The following VTI1A variants were observed in gnomAD, a reference collection of about 807,000 sequenced individuals.
The protein encoded by VTI1A is vesicle transport through interaction with t-SNAREs homolog 1A.
Under a neutral mutation model 34.9 loss-of-function variants are expected in VTI1A, and 22 were observed. The ratio of observed to expected loss-of-function variants is 0.63; its 90% confidence interval spans 0.45 to 0.90. VTI1A has a LOEUF of 0.90. Ranked by LOEUF, VTI1A falls within the 40% of genes least tolerant of loss-of-function variation. VTI1A has a pLI of 0.00. For synonymous variants in VTI1A, 87 were observed against 97.3 expected (o/e 0.89, Z 0.62); for missense variants, 268 against 275.6 (o/e 0.97, Z 0.20).
chr10:112,830,849 A>ATATATTTTTTTTTTTTT, the VTI1A span, among the ~76,000 whole-genome samples: 20 of 33,494 alleles, frequency 6.0e-4, no homozygotes, highest in East Asian at 1.5e-3. Context: ...ATATATATAT[A>ATATATTTTTTTTTTTTT]TTTTTTTTTT....
intron 7 of VTI1A, among the ~76,000 whole-genome samples, chr10:112,794,191 T>A (rs1171789981): frequency 6.6e-6 from 1 of 152,080 alleles, no homozygotes; most frequent in African/African-American, 2.4e-5. Context: ...ACCCCAAAAT[T>A]TGCAAAATTC....
At chr10:112,639,032 T>C (rs1846467650) in intron 5 of VTI1A, among the ~76,000 whole-genome samples, 1 of 152,122 alleles carries the variant, frequency 6.6e-6, no homozygotes, top group Non-Finnish European at 1.5e-5. Flanking sequence ...TTTATCAAAG[T>C]GGAAGCCTGT....
chr10:112,642,153 C>T (rs1054702040), intron 5 of VTI1A, among the ~76,000 whole-genome samples: 3 of 152,184 alleles, frequency 2.0e-5, no homozygotes, highest in East Asian at 3.9e-4. Context: ...ATGTAGACCG[C>T]ATCTGGTTCA....
chr10:112,768,294 T>C (rs1289622591), intron 7 of VTI1A, among the ~76,000 whole-genome samples: 2 of 152,178 alleles, frequency 1.3e-5, no homozygotes, highest in East Asian at 1.9e-4. Flanking sequence ...TAATTACTGC[T>C]CCACAAGGCG....
chr10:112,822,263 G>A (rs997351516), downstream of VTI1A, among the ~76,000 whole-genome samples: 3 of 152,152 alleles, frequency 2.0e-5, no homozygotes, highest in Admixed American at 2.0e-4. Context: ...CCAGGACCCC[G>A]TTCTTCTAAG....
chr10:112,450,478 A>G (rs998818638), intron 1 of VTI1A: 1 of 152,220 alleles, frequency 6.6e-6, no homozygotes, highest in East Asian at 1.9e-4. Flanking sequence ...ACTTGAGTTA[A>G]GAAGGATAAA....
rs1055597263 is a variant in VTI1A, at chr10:112,669,080, A to G, written c.560+82A>G. 8 of 1,512,320 alleles carry G rather than the reference A, an allele frequency of 5.3e-6. No homozygotes were observed. The African/African-American group carries it at 8.3e-5, about 16-fold the overall frequency. 93.7% of individuals were successfully genotyped at this position (1,512,320 alleles called of 1,614,324 possible). On this transcript the variant is annotated intron_variant, in intron 7 of 7. Transcript: ENST00000393077. ...TTTTCATTCAATTGCAATGGGGCAT[A>G]TTACATGCTTTTGAGCTTCTGCTCT... is the stretch of plus-strand genomic sequence containing the variant.
intron 7 of VTI1A, among the ~76,000 whole-genome samples, chr10:112,681,078 C>CT (rs11371825): frequency 0.31 from 43,156 of 140,970 alleles, 7,520 homozygotes; most frequent in East Asian, 0.53. Context: ...TTTTTCTTTT[C>CT]TTTTTTTTTT....
chr10:112,639,017 C>G (rs1212290972), intron 5 of VTI1A, among the ~76,000 whole-genome samples: 1 of 152,080 alleles, frequency 6.6e-6, no homozygotes, highest in African/African-American at 2.4e-5. Context: ...GGGAAAAACA[C>G]TCAATTTATC....
intron 5 of VTI1A, among the ~76,000 whole-genome samples, chr10:112,570,871 C>T (rs1435773380): frequency 1.3e-5 from 2 of 152,210 alleles, no homozygotes; most frequent in Admixed American, 1.3e-4. Flanking sequence ...ACCATAATAA[C>T]AAACATTTAT....
intron 7 of VTI1A, among the ~76,000 whole-genome samples, chr10:112,798,209 G>A (rs1852745112): frequency 6.6e-6 from 1 of 152,174 alleles, no homozygotes; most frequent in African/African-American, 2.4e-5. Context: ...CTGCTCCAGG[G>A]TCGACTTCAG....
At chr10:112,529,272 G>C (rs1359060039) in intron 4 of VTI1A, among the ~76,000 whole-genome samples, 1 of 152,088 alleles carries the variant, frequency 6.6e-6, no homozygotes, top group Non-Finnish European at 1.5e-5. Flanking sequence ...TGGATATTTC[G>C]TTACCAAATG....
chr10:112,591,991 C>T (rs1158446065), intron 5 of VTI1A, among the ~76,000 whole-genome samples: 1 of 152,062 alleles, frequency 6.6e-6, no homozygotes, highest in African/African-American at 2.4e-5. Flanking sequence ...TGAGAAGGAC[C>T]AAATATGTCG....
chr10:112,823,265 AGGGATAGGAATG>A (rs1193967338), downstream of VTI1A, among the ~76,000 whole-genome samples: 3 of 152,228 alleles, frequency 2.0e-5, no homozygotes, highest in East Asian at 5.8e-4. Flanking sequence ...AGGAGAGGCC[AGGGATAGGAATG>A]GGGACTGTTT....
At chr10:112,807,106 C>G (rs1017548582) in intron 7 of VTI1A, among the ~76,000 whole-genome samples, 1 of 152,162 alleles carries the variant, frequency 6.6e-6, no homozygotes, top group Non-Finnish European at 1.5e-5. Flanking sequence ...CTGGGACTGA[C>G]CTGTCCTTTG....
intron 5 of VTI1A, among the ~76,000 whole-genome samples, chr10:112,593,594 A>G (rs1349740473): frequency 6.6e-6 from 1 of 152,208 alleles, no homozygotes; most frequent in Admixed American, 6.5e-5. Context: ...AAAAGCACAC[A>G]GAAAAAAATC....
chr10:112,804,150 G>T (rs754035412), intron 7 of VTI1A, among the ~76,000 whole-genome samples: 13 of 152,192 alleles, frequency 8.5e-5, no homozygotes, highest in Non-Finnish European at 1.6e-4. Context: ...GCCTTCCCAG[G>T]CTGGGAAGGT....
At chr10:112,839,034 A>AGG in the VTI1A span, among the ~76,000 whole-genome samples, 1 of 152,102 alleles carries the variant, frequency 6.6e-6, no homozygotes, top group Non-Finnish European at 1.5e-5. Flanking sequence ...CAGCCCAAGG[A>AGG]GGGGGCCATG....
chr10:112,834,883 G>C, the VTI1A span, among the ~76,000 whole-genome samples: 1 of 152,118 alleles, frequency 6.6e-6, no homozygotes, highest in African/African-American at 2.4e-5. Context: ...GGCAGCTTCC[G>C]GTGGGTACTC....
Sources: allele counts gnomAD v4.1 joint callset (sites outside exome capture counted in the v4.1 genomes callset), GRCh38; gene constraint gnomAD v4.1.1; transcripts MANE v1.5; gene names NCBI Gene and HGNC (gene_info 2026-07-23, HGNC 2026-07-21).